NAV3: variants seen among roughly 807,000 people sequenced by gnomAD.
NAV3 encodes the protein neuron navigator 3.
Under a neutral mutation model 244.7 loss-of-function variants are expected in NAV3, and 87 were observed. That is an observed-to-expected ratio of 0.36 (90% confidence interval 0.30 to 0.42). The LOEUF (loss-of-function observed/expected upper bound fraction) is 0.42. Among genes scored for constraint, NAV3 ranks in the 20% least tolerant of loss-of-function variants. The pLI is 1.00. For missense variants in NAV3, 2,663 were observed against 2,893.3 expected (o/e 0.92, Z 1.83); for synonymous variants, 1,126 against 1,042.2 (o/e 1.08, Z -1.55).
chr12:77,700,976 A>G (rs192318785), intron 2 of NAV3, among the ~76,000 whole-genome samples: 1 of 151,618 alleles, frequency 6.6e-6, no homozygotes, highest in Non-Finnish European at 1.5e-5. Context: ...TCATTAAACA[A>G]TTTTATATTA....
chr12:78,118,273 G>T lies in NAV3; in HGVS notation c.3016G>T (p.Gly1006Ter). Residue 1006 changes from glycine to a stop codon, truncating the protein, a stop_gained, in exon 14 of 40, where the codon GGA becomes TGA. Transcript: ENST00000397909. LOFTEE classifies it high-confidence loss of function. The stretch of plus-strand genomic sequence containing the variant: ...AGGGGCGCCATCTAGGCAGAAAGCT[G>T]GAACAAGTGCACTCAAAACACCCGG... The part of the protein sequence containing the change: ...QGGAPSRQKA[G>*]TSALKTPGKT... The T allele has an allele frequency of 6.2e-7, 1 of 1,609,080 alleles. No homozygotes were observed. Among genetic ancestry groups the T allele is most frequent in the Non-Finnish European group, 8.5e-7 (1 of 1,176,246 alleles).
intron 2 of NAV3, among the ~76,000 whole-genome samples, chr12:77,770,761 T>A (rs909388359): frequency 3.9e-5 from 6 of 152,108 alleles, no homozygotes; most frequent in Non-Finnish European, 8.8e-5. Context: ...CAAAAATTAA[T>A]TCAAGATGGA....
At chr12:78,200,194 A>G (rs172511) in intron 37 of NAV3, among the ~76,000 whole-genome samples, 151,930 of 152,130 alleles carry the variant, frequency 1, 75,865 homozygotes, top group Middle Eastern at 1. Flanking sequence ...GCACAGCTTT[A>G]TTGCTTGTAA....
rs1019100998 is a variant in NAV3, at chr12:77,812,896, G to C, written c.73-127423G>C. On this transcript the variant is annotated intron_variant, in intron 2 of 8. Coordinates refer to the NAV3 transcript ENST00000550042. ...GGCTGGAGTACAGTGGCATGATCTT[G>C]GCTCACTGCAACCTCTGCCTCCCAG... Among the ~76,000 whole-genome samples the C allele has an allele frequency of 5.3e-5, 8 of 152,006 alleles. No homozygotes were observed. In the East Asian group the frequency reaches 1.4e-3, roughly 26 times the overall value.
At position 77,621,140 on chromosome 12, in the gene NAV3, A is replaced by G. The variant is rs556149363; in HGVS notation, c.72+48874A>G. Among the ~76,000 whole-genome samples, 39 of 152,302 alleles carry G rather than the reference A, an allele frequency of 2.6e-4. No individual in the cohort carries two copies. The South Asian group carries it at 7.3e-3, about 28-fold the overall frequency. On this transcript the variant is annotated intron_variant, in intron 2 of 8. Coordinates refer to the NAV3 transcript ENST00000550042. Reference sequence around the variant, plus strand: ...TCTGTGATATGCATTAAAATGATAAACAAACAACTCTGTTTATCTTCTACA... The same window carrying G: ...TCTGTGATATGCATTAAAATGATAAGCAAACAACTCTGTTTATCTTCTACA...
intron 3 of NAV3, among the ~76,000 whole-genome samples, chr12:77,958,172 A>G (rs1891547261): frequency 6.6e-6 from 1 of 152,214 alleles, no homozygotes; most frequent in South Asian, 2.1e-4. Flanking sequence ...GCAAGTATGT[A>G]AGGGTCAGTA....
intron 2 of NAV3, among the ~76,000 whole-genome samples, chr12:77,620,690 G>A (rs1483813307): frequency 1.3e-5 from 2 of 152,074 alleles, no homozygotes; most frequent in Non-Finnish European, 2.9e-5. Flanking sequence ...TTGAACGCCT[G>A]ACCTCAGGTG....
In NAV3 at chr12:77,873,865, C is replaced by T. The variant is rs1394367823; in HGVS notation, c.243+42161C>T. On this transcript the variant is annotated intron_variant, in intron 1 of 39. Transcript: ENST00000397909. ...GTAAGAATGTGCATTTCTCCATAACCTAGCCCAGGGGTCCCCAACCCCTGG... is the reference window on the plus strand; with the variant it reads ...GTAAGAATGTGCATTTCTCCATAACTTAGCCCAGGGGTCCCCAACCCCTGG... Among the ~76,000 whole-genome samples, 9 of 149,334 alleles carry T rather than the reference C, an allele frequency of 6.0e-5. No individual in the cohort carries two copies. The East Asian group carries it at 1.8e-3, about 30-fold the overall frequency.
At chr12:77,895,955 TAAAAAAA>T (rs755975061) in intron 1 of NAV3, among the ~76,000 whole-genome samples, 6 of 104,588 alleles carry the variant, frequency 5.7e-5, no homozygotes, top group East Asian at 2.7e-4. Flanking sequence ...CAATTTCCAG[TAAAAAAA>T]AAAAAAAAAA....
chr12:77,760,388 G>T (rs1393313997), intron 2 of NAV3, among the ~76,000 whole-genome samples: 2 of 152,172 alleles, frequency 1.3e-5, no homozygotes, highest in Non-Finnish European at 2.9e-5. Flanking sequence ...TGGAGACAGA[G>T]TTTCTTGCCA....
intron 2 of NAV3, among the ~76,000 whole-genome samples, chr12:77,820,677 G>A (rs1008379096): frequency 1.3e-5 from 2 of 152,018 alleles, no homozygotes; most frequent in Non-Finnish European, 2.9e-5. Context: ...CATATAGCTG[G>A]GAAGATCGCA....
At position 77,840,300 on chromosome 12, in the gene NAV3, A is replaced by G. The variant is rs369211952; in HGVS notation, c.243+8596A>G. On this transcript the variant is annotated intron_variant, in intron 1 of 39. Coordinates refer to ENST00000397909, the MANE Select transcript of NAV3 (RefSeq NM_001024383.2). ...TTAAATGCCATTGTAAAGAGTTTGG[A>G]CTTACTCTGTACAGAATGGAAGAAG... Among the ~76,000 whole-genome samples the G allele has an allele frequency of 9.2e-5, 14 of 152,306 alleles. No homozygotes were observed. The East Asian group carries it at 2.7e-3, about 29-fold the overall frequency.
rs1282118739 is a variant in NAV3 at position 77,692,241 on chromosome 12, ATATTT to A, written c.72+119978_72+119982del. 3.9e-5 allele frequency among the ~76,000 whole-genome samples: 6 copies of A among 152,230 alleles called. No individual in the cohort carries two copies. In the East Asian group the frequency reaches 1.2e-3, roughly 29 times the overall value. The stretch of plus-strand genomic sequence containing the variant: ...TATTTCATATAGGAATACAATGACT[ATATTT>A]TAATGTTCCATGAGGAATCCATAAT... On this transcript the variant is annotated intron_variant, in intron 2 of 8. Transcript: ENST00000550042.
chr12:77,747,817 G>A (rs2135788646), intron 2 of NAV3, among the ~76,000 whole-genome samples: 1 of 152,168 alleles, frequency 6.6e-6, no homozygotes, highest in South Asian at 2.1e-4. Flanking sequence ...CTCACTCATA[G>A]GTGGGAATTG....
intron 2 of NAV3, among the ~76,000 whole-genome samples, chr12:77,791,372 A>T (rs1871167291): frequency 6.6e-6 from 1 of 151,290 alleles, no homozygotes; most frequent in Non-Finnish European, 1.5e-5. Flanking sequence ...AAAAAAAAAA[A>T]ATTCCCTTTT....
chr12:77,820,930 T>C (rs1429749833), intron 2 of NAV3, among the ~76,000 whole-genome samples: 3 of 152,156 alleles, frequency 2.0e-5, no homozygotes, highest in Non-Finnish European at 4.4e-5. Flanking sequence ...TCAGATCTTA[T>C]GTTTTCATTA....
intron 1 of NAV3, among the ~76,000 whole-genome samples, chr12:77,904,410 C>T (rs1210165830): frequency 1.6e-4 from 25 of 152,108 alleles, no homozygotes; most frequent in African/African-American, 5.3e-4. Context: ...AACCAAACAC[C>T]GCATGTTCTC....
At chr12:78,103,788 G>A (rs2138255391) in intron 12 of NAV3, among the ~76,000 whole-genome samples, 1 of 152,262 alleles carries the variant, frequency 6.6e-6, no homozygotes, top group Non-Finnish European at 1.5e-5. Context: ...CTACCACTAG[G>A]ACAGTATGGG....
chr12:77,809,184 T>C (rs1872156181), intron 2 of NAV3, among the ~76,000 whole-genome samples: 1 of 152,196 alleles, frequency 6.6e-6, no homozygotes, highest in Non-Finnish European at 1.5e-5. Context: ...GATTGAACTG[T>C]TCTGTCTTTC....
Sources: gnomAD v4.1 joint callset for allele counts (sites outside exome capture counted in the v4.1 genomes callset) on GRCh38, gnomAD v4.1.1 for gene constraint, MANE v1.5 for transcripts, NCBI Gene and HGNC (gene_info 2026-07-23, HGNC 2026-07-21) for gene names.